Variants in TYR observed in about 807,000 individuals in gnomAD.
TYR encodes the protein tyrosinase, also known as LB24-AB.
TYR carries 58 observed loss-of-function variants against 51.5 expected under a neutral mutation model. The observed-to-expected ratio is 1.13, with a 90% CI of 0.91 to 1.40. The LOEUF (loss-of-function observed/expected upper bound fraction) is 1.40. Ranked by LOEUF, TYR falls within the 40% of genes most tolerant of loss-of-function variation. The probability of loss-of-function intolerance (pLI) is 0.00; values close to 1 mark genes in which losing one functional copy is unlikely to be tolerated. For missense variants in TYR, 732 were observed against 647.4 expected (o/e 1.13, Z -1.42); for synonymous variants, 263 against 235.2 (o/e 1.12, Z -1.08).
chr11:89,185,279 G>T (rs1414928804), intron 1 of TYR, among the ~76,000 whole-genome samples: 2 of 152,022 alleles, frequency 1.3e-5, no homozygotes, highest in African/African-American at 2.4e-5. Flanking sequence ...CTCCCTTATG[G>T]CCTAGGACAG....
chr11:89,226,008 C>G (rs1187738080), intron 2 of TYR, among the ~76,000 whole-genome samples: 2 of 151,800 alleles, frequency 1.3e-5, no homozygotes, highest in African/African-American at 2.4e-5. Flanking sequence ...AAATATAAAA[C>G]TTTAAAAATT....
In TYR at chr11:89,191,365, A is replaced by T. The variant is rs375386216; in HGVS notation, c.983A>T (p.Glu328Val). The T allele has an allele frequency of 6.2e-7, 1 of 1,613,698 alleles. No individual in the cohort carries two copies. Among genetic ancestry groups the T allele is most frequent in the African/African-American group, 1.3e-5 (1 of 74,980 alleles). ...VEFCLSLTQYESGSMDKAANF... is the reference protein window; with the variant it reads ...VEFCLSLTQYVSGSMDKAANF... ...TTTTGCCTGAGTTTGACCCAATATG[A>T]ATCTGGTTCCATGGATAAAGCTGCC... The change falls in exon 2 of 5, where the codon GAA (glutamate) becomes GTA (valine). Residue 328 changes from glutamate to valine, a missense_variant. By Grantham distance (121) the Glu-to-Val change is moderately radical. Coordinates refer to ENST00000263321, the MANE Select transcript of TYR (RefSeq NM_000372.5).
At position 89,178,381 on chromosome 11, in the gene TYR, A is replaced by T; in HGVS notation, c.428A>T (p.His143Leu). ...TTTGCCTACCTCACTTTAGCAAAGC[A>T]TACCATCAGCTCAGACTATGTCATC... is the stretch of plus-strand genomic sequence containing the variant. ...KFFAYLTLAK[H>L]TISSDYVIPI... is the part of the protein sequence containing the mutation. The change falls in exon 1 of 5, where the codon CAT becomes CTT. Residue 143 changes from histidine (H) to leucine (L), a missense_variant. By Grantham distance (99) the His-to-Leu change is moderately conservative. Transcript: ENST00000263321. The T allele has an allele frequency of 6.2e-7, 1 of 1,614,182 alleles. No individual in the cohort carries two copies. The highest frequency in any genetic ancestry group is 8.5e-7 in the Non-Finnish European group (1 of 1,180,036).
At chr11:89,189,312 T>G (rs2135251257) in intron 1 of TYR, among the ~76,000 whole-genome samples, 1 of 152,136 alleles carries the variant, frequency 6.6e-6, no homozygotes, top group East Asian at 1.9e-4. Flanking sequence ...CTTAAAAAGT[T>G]TTGCTTATAG....
chr11:89,192,196 T>C (rs1195799657), intron 2 of TYR, among the ~76,000 whole-genome samples: 2 of 152,188 alleles, frequency 1.3e-5, no homozygotes, highest in Non-Finnish European at 2.9e-5. Flanking sequence ...GCATTTTGCA[T>C]TCAAACATCG....
intron 4 of TYR, among the ~76,000 whole-genome samples, chr11:89,285,840 G>T (rs1343092806): frequency 6.6e-6 from 1 of 151,716 alleles, no homozygotes; most frequent in East Asian, 1.9e-4. Flanking sequence ...TTCACCTAAC[G>T]CATGAGGGTT....
At position 89,262,107 on chromosome 11, in the gene TYR, G is replaced by A. The variant is rs191474439; in HGVS notation, c.1185-22666G>A. Among the ~76,000 whole-genome samples, 16 of 152,104 alleles carry A rather than the reference G, an allele frequency of 1.1e-4. No individual in the cohort carries two copies. In the East Asian group the frequency reaches 2.9e-3, roughly 28 times the overall value. On this transcript the variant is annotated intron_variant, in intron 3 of 4. Coordinates refer to ENST00000263321, the MANE Select transcript of TYR (RefSeq NM_000372.5). ...GAGTCTCACTCTTGTTGTCCAGGCT[G>A]GAGTGCAACGGCACCATCTCAGCTT... is the stretch of plus-strand genomic sequence containing the variant.
At chr11:89,228,586 T>C (rs1944005400) in intron 3 of TYR, among the ~76,000 whole-genome samples, 1 of 152,198 alleles carries the variant, frequency 6.6e-6, no homozygotes, top group Non-Finnish European at 1.5e-5. Context: ...GAAATTGTAT[T>C]GTTATTTCTT....
chr11:89,269,249 C>T (rs368063086), intron 3 of TYR, among the ~76,000 whole-genome samples: 139 of 152,084 alleles, frequency 9.1e-4, no homozygotes, highest in South Asian at 2.3e-3. Context: ...GTAATTCCTA[C>T]TGAAAGCCAA....
rs796190974 is a variant in TYR, at chr11:89,245,469, C to A, written c.1184+17499C>A. Among the ~76,000 whole-genome samples the A allele has an allele frequency of 4.2e-4, 64 of 152,268 alleles. 1 individual carries two copies. The highest frequency in any genetic ancestry group is 1.4e-3 in the African/African-American group (60 of 41,556). ...TAGACAAAGAAAGTATACTCTTCCT[C>A]CAACAAGGGAGCAGGAACTATCAGG... On this transcript the variant is annotated intron_variant, in intron 3 of 4. Transcript: ENST00000263321.
chr11:89,210,216 C>T (rs1338184943), intron 2 of TYR, among the ~76,000 whole-genome samples: 1 of 152,018 alleles, frequency 6.6e-6, no homozygotes, highest in Non-Finnish European at 1.5e-5. Flanking sequence ...AAGCTAAAAA[C>T]TTTGAAAAAA....
At position 89,248,274 on chromosome 11, in the gene TYR, C is replaced by A. The variant is rs1944290541; in HGVS notation, c.1184+20304C>A. Among the ~76,000 whole-genome samples, 3 of 151,522 alleles carry A rather than the reference C, an allele frequency of 2.0e-5. No homozygotes were observed. In the South Asian group the frequency reaches 6.3e-4, roughly 32 times the overall value. On this transcript the variant is annotated intron_variant, in intron 3 of 4. Coordinates refer to ENST00000263321, the MANE Select transcript of TYR (RefSeq NM_000372.5). ...TCTAGTGAGGAGAAACATAAGCAAA[C>A]CAGAAAAGAAATAAATAAGCACAAA...
At chr11:89,270,245 T>G (rs1012652617) in intron 3 of TYR, among the ~76,000 whole-genome samples, 1 of 151,896 alleles carries the variant, frequency 6.6e-6, no homozygotes, top group Admixed American at 6.6e-5. Flanking sequence ...CCTACTAGAA[T>G]GCTTTTTTTC....
intron 3 of TYR, chr11:89,283,975 C>A (rs566133872): frequency 1.3e-5 from 2 of 151,900 alleles, no homozygotes; most frequent in African/African-American, 4.8e-5. Context: ...AGGGCATCAG[C>A]TAAGACGGCT....
intron 2 of TYR, among the ~76,000 whole-genome samples, chr11:89,224,367 T>G (rs145864983): frequency 6.6e-6 from 1 of 152,268 alleles, no homozygotes; most frequent in African/African-American, 2.4e-5. Context: ...TCTCTTATCA[T>G]TGAAGCCCAA....
intron 3 of TYR, among the ~76,000 whole-genome samples, chr11:89,243,284 T>C (rs756219467): frequency 1.3e-5 from 2 of 152,198 alleles, no homozygotes; most frequent in Non-Finnish European, 2.9e-5. Flanking sequence ...TAAATACTTA[T>C]TTAGCATGTG....
rs111755381 is a variant in TYR at position 89,204,447 on chromosome 11, A to T, written c.1036+13029A>T. Among the ~76,000 whole-genome samples the T allele has an allele frequency of 2.1e-3, 313 of 151,498 alleles. 5 individuals are homozygous for T. The highest frequency in any genetic ancestry group is 6.7e-3 in the African/African-American group (277 of 41,196). ...TTTGCTGTGTTGTCCAGGCTGGTGTAAAGTAGCGTGATCTCAGCCCACTGC... is the reference window on the plus strand; with the variant it reads ...TTTGCTGTGTTGTCCAGGCTGGTGTTAAGTAGCGTGATCTCAGCCCACTGC... On this transcript the variant is annotated intron_variant, in intron 2 of 4. Coordinates refer to ENST00000263321, the MANE Select transcript of TYR (RefSeq NM_000372.5).
chr11:89,246,275 C>T (rs918563228), intron 3 of TYR, among the ~76,000 whole-genome samples: 10 of 152,180 alleles, frequency 6.6e-5, no homozygotes, highest in Non-Finnish European at 1.5e-4. Flanking sequence ...CTGCTTCATG[C>T]TTCTTTTGTG....
intron 1 of TYR, among the ~76,000 whole-genome samples, chr11:89,183,865 G>C (rs1378793174): frequency 6.6e-6 from 1 of 152,056 alleles, no homozygotes. Flanking sequence ...TATGATAGTT[G>C]TCATTATTAA....
Sources: gnomAD v4.1 joint callset for allele counts (sites outside exome capture counted in the v4.1 genomes callset) on GRCh38, gnomAD v4.1.1 for gene constraint, MANE v1.5 for transcripts, NCBI Gene and HGNC (gene_info 2026-07-23, HGNC 2026-07-21) for gene names.